The following EML1 variants were observed in gnomAD, a reference collection of about 807,000 sequenced individuals.
EML1 encodes EMAP like 1, also known as echinoderm microtubule-associated protein-like 1.
EML1 carries 27 observed loss-of-function variants against 110.4 expected under a neutral mutation model. That is an observed-to-expected ratio of 0.24 (90% CI 0.18 to 0.34). The LOEUF is 0.34. Ranked by LOEUF, EML1 falls within the 10% of genes least tolerant of loss-of-function variation. EML1 has a pLI of 1.00. For synonymous variants in EML1, 344 were observed against 385.8 expected (o/e 0.89, Z 1.27); for missense variants, 741 against 1,030.9 (o/e 0.72, Z 3.85).
At chr14:99,799,864 G>C (rs1347352752) in intron 1 of EML1, among the ~76,000 whole-genome samples, 2 of 152,124 alleles carry the variant, frequency 1.3e-5, no homozygotes, top group East Asian at 1.9e-4. Context: ...AACTAGTAGC[G>C]TGAAAACCTT....
intron 2 of EML1, among the ~76,000 whole-genome samples, chr14:99,857,007 C>A (rs765656700): frequency 6.6e-6 from 1 of 152,198 alleles, no homozygotes; most frequent in Non-Finnish European, 1.5e-5. Context: ...CATGGTGGCT[C>A]ATGCCTGTAA....
intron 17 of EML1, among the ~76,000 whole-genome samples, chr14:99,925,541 C>G (rs775985731): frequency 4.6e-5 from 7 of 152,190 alleles, no homozygotes; most frequent in African/African-American, 1.2e-4. Context: ...CCAAATTTCT[C>G]TTTTCAACTC....
chr14:99,927,829 T>G (rs1333032371), intron 17 of EML1, among the ~76,000 whole-genome samples: 4 of 51,232 alleles, frequency 7.8e-5, no homozygotes, highest in African/African-American at 1.9e-4. Flanking sequence ...GTGGTGGTGG[T>G]GGTATTGGTG....
chr14:99,778,703 G>A (rs2057508724), intron 1 of EML1, among the ~76,000 whole-genome samples: 1 of 152,210 alleles, frequency 6.6e-6, no homozygotes, highest in Admixed American at 6.5e-5. Flanking sequence ...GACTAGAAAT[G>A]TCTTTATTCC....
intron 17 of EML1, among the ~76,000 whole-genome samples, chr14:99,931,947 A>G (rs773309644): frequency 2.2e-4 from 33 of 152,128 alleles, no homozygotes; most frequent in Non-Finnish European, 4.3e-4. Flanking sequence ...GTCGGGGGCC[A>G]GGGGCTGGGA....
chr14:99,843,571 A>G (rs538838220), intron 1 of EML1, among the ~76,000 whole-genome samples: 2 of 152,350 alleles, frequency 1.3e-5, no homozygotes, highest in Admixed American at 1.3e-4. Flanking sequence ...CCTGTTTTAT[A>G]CATAGAGGCA....
intron 1 of EML1, among the ~76,000 whole-genome samples, chr14:99,820,456 G>A (rs2058242993): frequency 6.6e-6 from 1 of 152,144 alleles, no homozygotes; most frequent in African/African-American, 2.4e-5. Flanking sequence ...TATTGAGGAT[G>A]AAGAGAAGAA....
chr14:99,901,110 G>A, intron 9 of EML1, 71 bp downstream of exon 9: 1 of 1,361,422 alleles, frequency 7.3e-7, no homozygotes, highest in South Asian at 1.2e-5. Flanking sequence ...GGGTTGAAGA[G>A]GGGGAGTTGA....
At chr14:99,799,593 A>C (rs1432898398) in intron 1 of EML1, among the ~76,000 whole-genome samples, 1 of 152,236 alleles carries the variant, frequency 6.6e-6, no homozygotes. Context: ...TCTAATTAGT[A>C]TACTTGGTGC....
At chr14:99,802,191 C>A (rs541946854) in intron 1 of EML1, among the ~76,000 whole-genome samples, 2 of 151,898 alleles carry the variant, frequency 1.3e-5, no homozygotes, top group East Asian at 3.9e-4. Flanking sequence ...TGGGAAAGAA[C>A]CTTTAGAGAA....
At chr14:99,849,864 T>C (rs2058764323) in intron 1 of EML1, among the ~76,000 whole-genome samples, 2 of 151,820 alleles carry the variant, frequency 1.3e-5, no homozygotes, top group South Asian at 4.2e-4. Context: ...TGTGTATTTG[T>C]GTTCATTAAA....
Position 99,900,983 on chromosome 14 carries a change from G to A in EML1, c.952G>A (p.Val318Ile), listed in dbSNP as rs201984017. 5.4e-5 allele frequency: 87 copies of A among 1,614,010 alleles called. No individual in the cohort carries two copies. Among genetic ancestry groups the A allele is most frequent in the Non-Finnish European group, 3.2e-5 (38 of 1,180,036 alleles). The change falls in exon 9 of 22, where the codon GTC becomes ATC. Residue 318 changes from valine (V) to isoleucine (I), a missense_variant. Transcript: ENST00000262233. ...WDSVTLNTLH[V>I]IGIGFFDRAV... ...TTCTGTGACATTGAATACTCTCCAC[G>A]TCATTGGAATAGGTTTTTTTGACCG...
At chr14:99,740,627 T>C (rs564683363) in intron 1 of EML1, among the ~76,000 whole-genome samples, 1 of 152,302 alleles carries the variant, frequency 6.6e-6, no homozygotes, top group East Asian at 1.9e-4. Context: ...GGAACTCTCC[T>C]GCATCAAGTA....
In EML1 at chr14:99,748,338, G is replaced by A. The variant is rs796561134; in HGVS notation, c.28+10478G>A. Among the ~76,000 whole-genome samples the A allele has an allele frequency of 1.8e-4, 27 of 152,318 alleles. 1 individual carries two copies. Among genetic ancestry groups the A allele is most frequent in the African/African-American group, 5.5e-4 (23 of 41,578 alleles). ...GTGAGTGGTACTCACGTTTCTCCCC[G>A]GTTTCTGGGAGGAAAAGGGAGGGGC... On this transcript the variant is annotated intron_variant, in intron 1 of 10. Transcript: ENST00000554479.
chr14:99,882,762 C>A (rs2059408765), intron 4 of EML1, among the ~76,000 whole-genome samples: 1 of 151,540 alleles, frequency 6.6e-6, no homozygotes, highest in African/African-American at 2.4e-5. Context: ...CGCATGTGGC[C>A]TGTGGGCTGT....
At chr14:99,930,298 T>G (rs541361047) in intron 17 of EML1, among the ~76,000 whole-genome samples, 3 of 152,182 alleles carry the variant, frequency 2.0e-5, no homozygotes, top group Non-Finnish European at 4.4e-5. Context: ...CAGGTTTCAG[T>G]TGTTGGTCTA....
chr14:99,881,126 G>A (rs527821655), intron 4 of EML1, among the ~76,000 whole-genome samples: 1 of 152,300 alleles, frequency 6.6e-6, no homozygotes, highest in Admixed American at 6.5e-5. Flanking sequence ...GGCTGCTTGC[G>A]ATCCCAGCCT....
At chr14:99,828,168 T>C (rs946903214) in intron 1 of EML1, among the ~76,000 whole-genome samples, 5 of 152,264 alleles carry the variant, frequency 3.3e-5, no homozygotes, top group South Asian at 2.1e-4. Flanking sequence ...GCTATTCTTA[T>C]ACAGCAGTCT....
At chr14:99,772,129 C>T (rs2140203661), upstream of EML1, among the ~76,000 whole-genome samples, 1 of 152,298 alleles carries the variant, frequency 6.6e-6, no homozygotes, top group Admixed American at 6.5e-5. Context: ...GTTGTACACT[C>T]TTGATTGTGT....
Sources: gnomAD v4.1 joint callset for allele counts (sites outside exome capture counted in the v4.1 genomes callset) on GRCh38, gnomAD v4.1.1 for gene constraint, MANE v1.5 for transcripts, NCBI Gene and HGNC (gene_info 2026-07-23, HGNC 2026-07-21) for gene names.